The following CADPS variants were observed in gnomAD, a reference collection of about 807,000 sequenced individuals.
CADPS encodes calcium-dependent secretion activator 1.
CADPS carries 57 observed loss-of-function variants against 167.3 expected under a neutral mutation model. That is an observed-to-expected ratio of 0.34 (90% CI 0.28 to 0.42). The LOEUF is 0.42. CADPS is among the 20% of genes least tolerant of loss of function. The pLI, the probability that CADPS is intolerant of heterozygous loss-of-function variation, is 1.00. For missense variants in CADPS, 1,414 were observed against 1,738.1 expected (o/e 0.81, Z 3.32); for synonymous variants, 676 against 635.3 (o/e 1.06, Z -0.96).
intron 8 of CADPS, among the ~76,000 whole-genome samples, chr3:62,572,362 C>T (rs1037451899): frequency 6.6e-6 from 1 of 152,084 alleles, no homozygotes; most frequent in Non-Finnish European, 1.5e-5. Flanking sequence ...CTATTTCAGT[C>T]CCCACCCACA....
chr3:62,576,469 T>C (rs1213975295), intron 8 of CADPS, among the ~76,000 whole-genome samples: 1 of 151,978 alleles, frequency 6.6e-6, no homozygotes, highest in Non-Finnish European at 1.5e-5. Flanking sequence ...ATTATTGTTA[T>C]TGTTGTTATG....
At chr3:62,800,571 T>C (rs987814394) in intron 1 of CADPS, among the ~76,000 whole-genome samples, 1 of 152,178 alleles carries the variant, frequency 6.6e-6, no homozygotes, top group East Asian at 1.9e-4. Context: ...ACTTATTAAA[T>C]ATAGAAATAT....
At chr3:62,549,844 C>T in intron 11 of CADPS, 59 bp downstream of exon 11, 4 of 1,331,654 alleles carry the variant, frequency 3.0e-6, no homozygotes, top group South Asian at 2.6e-5. Context: ...TCTAATTCAA[C>T]TTTGGAAGGT....
intron 1 of CADPS, among the ~76,000 whole-genome samples, chr3:62,817,551 T>C (rs866587935): frequency 6.6e-6 from 1 of 152,190 alleles, no homozygotes; most frequent in African/African-American, 2.4e-5. Flanking sequence ...ATTCCTTTAA[T>C]CCCTTAGAAC....
intron 3 of CADPS, among the ~76,000 whole-genome samples, chr3:62,751,266 C>A (rs1220763665): frequency 2.0e-5 from 3 of 151,912 alleles, no homozygotes; most frequent in East Asian, 1.9e-4. Flanking sequence ...ACATAGAAAT[C>A]AAAAAACCAT....
chr3:62,578,534 C>T (rs935445189), intron 8 of CADPS, among the ~76,000 whole-genome samples: 21 of 142,356 alleles, frequency 1.5e-4, no homozygotes, highest in African/African-American at 4.7e-4. Flanking sequence ...GGAGTGAACC[C>T]GGGAGGCGGA....
chr3:62,504,300 A>G (rs1239410116), intron 17 of CADPS, among the ~76,000 whole-genome samples: 5 of 152,196 alleles, frequency 3.3e-5, no homozygotes, highest in Admixed American at 6.5e-5. Context: ...ATAGTACTCC[A>G]TATTGTATAT....
At chr3:62,731,971 G>C (rs2077987867) in intron 3 of CADPS, among the ~76,000 whole-genome samples, 1 of 152,020 alleles carries the variant, frequency 6.6e-6, no homozygotes, top group African/African-American at 2.4e-5. Flanking sequence ...TAACAGATGA[G>C]AAGGATGTAG....
intron 6 of CADPS, 133 bp downstream of exon 6, chr3:62,645,589 T>A: frequency 3.2e-6 from 3 of 936,632 alleles, no homozygotes; most frequent in Non-Finnish European, 4.8e-6. Context: ...CAAGTCATCT[T>A]GTTTGAAAAA....
At chr3:62,582,340 G>A (rs2083593581) in intron 8 of CADPS, among the ~76,000 whole-genome samples, 1 of 152,168 alleles carries the variant, frequency 6.6e-6, no homozygotes, top group Non-Finnish European at 1.5e-5. Flanking sequence ...CAGCTACTTG[G>A]GAAGCTGAGG....
intron 6 of CADPS, among the ~76,000 whole-genome samples, chr3:62,626,800 T>C (rs1020774703): frequency 5.9e-5 from 9 of 152,100 alleles, no homozygotes; most frequent in Non-Finnish European, 7.4e-5. Context: ...AAAGTGAAAA[T>C]AGATTTAAAG....
chr3:62,661,086 C>A (rs1271737134), intron 4 of CADPS, among the ~76,000 whole-genome samples: 3 of 152,144 alleles, frequency 2.0e-5, no homozygotes, highest in African/African-American at 7.2e-5. Flanking sequence ...CAGCACTCAA[C>A]TAATATGACT....
rs746247895 is a variant in CADPS, at chr3:62,492,271, A to T, written c.2884+19T>A. On this transcript the variant is annotated intron_variant, in intron 20 of 29. Coordinates refer to ENST00000383710, the MANE Select transcript of CADPS (RefSeq NM_003716.4). ...TGCACACTACTTAGGAAAGTCAAAC[A>T]GTCAAAGGTAATACATACAGTCAGT... 1 of 1,610,178 alleles carries T rather than the reference A, an allele frequency of 6.2e-7. No homozygotes were observed. The highest frequency in any genetic ancestry group is 8.5e-7 in the Non-Finnish European group (1 of 1,176,842).
intron 1 of CADPS, among the ~76,000 whole-genome samples, chr3:62,851,142 T>A (rs1367509953): frequency 3.8e-5 from 5 of 132,320 alleles, no homozygotes; most frequent in African/African-American, 1.1e-4. Flanking sequence ...TCTTCCTCCA[T>A]CCTTTTATTT....
chr3:62,471,386 G>A (rs553400052), intron 24 of CADPS, among the ~76,000 whole-genome samples: 34 of 152,240 alleles, frequency 2.2e-4, no homozygotes, highest in South Asian at 1.5e-3. Context: ...TCCCCAGGTC[G>A]TCTGAAATTG....
chr3:62,856,179 G>A lies in CADPS; in HGVS notation c.441+18410C>T, dbSNP rs868852624. On this transcript the variant is annotated intron_variant, in intron 1 of 29. Coordinates refer to ENST00000383710, the MANE Select transcript of CADPS (RefSeq NM_003716.4). The stretch of plus-strand genomic sequence containing the variant: ...TATTAGAGAGTAGTCCATTAGCCCT[G>A]AGCTCCCATGTTTTGCAGAGGGAAT... Among the ~76,000 whole-genome samples the A allele has an allele frequency of 3.9e-5, 6 of 152,230 alleles. No homozygotes were observed. In the South Asian group the frequency reaches 1.2e-3, roughly 32 times the overall value.
At chr3:62,407,132 T>TCAA (rs1220074462) in intron 28 of CADPS, among the ~76,000 whole-genome samples, 2 of 148,876 alleles carry the variant, frequency 1.3e-5, no homozygotes, top group Non-Finnish European at 3.0e-5. Context: ...ACCACTGCAA[T>TCAA]CAACATCATC....
intron 1 of CADPS, among the ~76,000 whole-genome samples, chr3:62,772,227 G>T (rs1370558839): frequency 6.6e-6 from 1 of 151,738 alleles, no homozygotes; most frequent in South Asian, 2.1e-4. Context: ...TATTTACTCA[G>T]CCTTTTGAAG....
intron 18 of CADPS, among the ~76,000 whole-genome samples, chr3:62,496,051 T>A (rs2151196081): frequency 6.6e-6 from 1 of 151,316 alleles, no homozygotes; most frequent in South Asian, 2.1e-4. Context: ...TAGGATTTAG[T>A]CTTTTGTTTT....
Sources: allele counts gnomAD v4.1 joint callset (sites outside exome capture counted in the v4.1 genomes callset), GRCh38; gene constraint gnomAD v4.1.1; transcripts MANE v1.5; gene names NCBI Gene and HGNC (gene_info 2026-07-23, HGNC 2026-07-21).